The following KCNH5 variants were observed in gnomAD, a reference collection of about 807,000 sequenced individuals.
KCNH5 encodes the protein potassium voltage-gated channel subfamily H member 5.
A neutral mutation model predicts 96.1 loss-of-function variants in KCNH5; 46 were observed. That is an observed-to-expected ratio of 0.48 (90% confidence interval 0.38 to 0.61). The LOEUF (loss-of-function observed/expected upper bound fraction) is 0.61. KCNH5 is among the 20% of genes least tolerant of loss of function. The probability of loss-of-function intolerance (pLI) is 0.00; values close to 1 mark genes in which losing one functional copy is unlikely to be tolerated. For synonymous variants in KCNH5, 439 were observed against 449.8 expected (o/e 0.98, Z 0.30); for missense variants, 907 against 1,225.8 (o/e 0.74, Z 3.88).
chr14:62,750,161 T>A (rs1407565204), intron 10 of KCNH5, among the ~76,000 whole-genome samples: 7 of 152,118 alleles, frequency 4.6e-5, no homozygotes, highest in African/African-American at 7.2e-5. Context: ...GAGGAGGAGG[T>A]GAAGACTGGT....
chr14:62,772,110 C>CA lies in KCNH5; in HGVS notation c.2019+7617dup, dbSNP rs199667177. Reference sequence around the variant, plus strand: ...TAGTTTTCAGCCCTAACAACAACAACAAAAAAAACACATTCTCTACCTGCT... The same window carrying CA: ...TAGTTTTCAGCCCTAACAACAACAACAAAAAAAAACACATTCTCTACCTGCT... On this transcript the variant is annotated intron_variant, in intron 10 of 10. Transcript: ENST00000322893. Among the ~76,000 whole-genome samples the CA allele has an allele frequency of 6.0e-3, 911 of 151,540 alleles. 9 individuals carry two copies. Among genetic ancestry groups the CA allele is most frequent in the Non-Finnish European group, 9.0e-3 (607 of 67,814 alleles).
At chr14:62,725,384 T>C (rs1884901612) in intron 10 of KCNH5, among the ~76,000 whole-genome samples, 1 of 152,236 alleles carries the variant, frequency 6.6e-6, no homozygotes, top group South Asian at 2.1e-4. Context: ...AGTCTCCTAT[T>C]ATCTTTGGGC....
Position 62,704,923 on chromosome 14 carries a change from A to G in KCNH5, c.*2585T>C, listed in dbSNP as rs572185394. ...TTTGTGGAATCTGGGAACCTAAAAG[A>G]CTACTCTATATACAATGTTTGCTGA... On this transcript the variant is annotated 3_prime_UTR_variant, in exon 11 of 11. Transcript: ENST00000322893. 1 of 152,052 alleles carries G rather than the reference A, an allele frequency of 6.6e-6. No individual in the cohort carries two copies. Among genetic ancestry groups the G allele is most frequent in the South Asian group, 2.1e-4 (1 of 4,826 alleles). The allele number at this position is 152,052 out of a possible 1,614,324, so 9.4% of individuals were successfully genotyped here. A position where few individuals can be genotyped will look rare whatever the true frequency, so the allele number is the denominator to read the frequency against.
In KCNH5 at chr14:62,709,232, C is replaced by CAAAAA. The variant is rs67304113; in HGVS notation, c.2020-782_2020-778dup. Among the ~76,000 whole-genome samples, 122 of 71,564 alleles carry CAAAAA rather than the reference C, an allele frequency of 1.7e-3. 7 individuals carry two copies. The highest frequency in any genetic ancestry group is 0.02 in the Middle Eastern group (2 of 100). 46.9% of individuals were successfully genotyped at this position (71,564 alleles called of 152,430 possible). A position where few individuals can be genotyped will look rare whatever the true frequency, so the allele number is the denominator to read the frequency against. On this transcript the variant is annotated intron_variant, in intron 10 of 10. Coordinates refer to ENST00000322893, the MANE Select transcript of KCNH5 (RefSeq NM_139318.5). ...TGGGCGACAGAACGAGACTCCTTCT[C>CAAAAA]AAAAAAAAAAAAAAAAAAAAAAAAA...
intron 1 of KCNH5, among the ~76,000 whole-genome samples, chr14:63,035,043 C>T (rs1300273432): frequency 6.6e-6 from 1 of 152,088 alleles, no homozygotes; most frequent in Non-Finnish European, 1.5e-5. Context: ...TAACATTTTA[C>T]TAAATTATAT....
At chr14:62,838,550 C>T (rs17100428) in intron 8 of KCNH5, among the ~76,000 whole-genome samples, 2,569 of 151,846 alleles carry the variant, frequency 0.017, 73 homozygotes, top group African/African-American at 0.059. Context: ...ATCTGGGGTG[C>T]GTAGTATGAA....
At chr14:63,040,675 A>G (rs1057124993) in intron 1 of KCNH5, among the ~76,000 whole-genome samples, 3 of 152,122 alleles carry the variant, frequency 2.0e-5, no homozygotes, top group African/African-American at 7.2e-5. Context: ...GCTAATTGTA[A>G]AAGTTATTAT....
rs181046258 is a variant in KCNH5, at chr14:62,703,531, G to T, written c.*3977C>A. 6.6e-6 allele frequency: 1 copy of T among 151,886 alleles called. No individual in the cohort carries two copies. Among genetic ancestry groups the T allele is most frequent in the Non-Finnish European group, 1.5e-5 (1 of 67,732 alleles). The allele number at this position is 151,886 out of a possible 1,614,324, so 9.4% of individuals were successfully genotyped here. A position where few individuals can be genotyped will look rare whatever the true frequency, so the allele number is the denominator to read the frequency against. On this transcript the variant is annotated 3_prime_UTR_variant, in exon 11 of 11. Transcript: ENST00000322893. ...ATTGGCGGGGAAATGGTACCATTTG[G>T]TACACTAGGAAAGGTTAACTTGCCC... is the stretch of plus-strand genomic sequence containing the variant.
intron 7 of KCNH5, among the ~76,000 whole-genome samples, chr14:62,865,958 A>G (rs899502254): frequency 6.6e-6 from 1 of 152,206 alleles, no homozygotes; most frequent in Non-Finnish European, 1.5e-5. Context: ...GCAATCATCA[A>G]TTGATTATCA....
intron 7 of KCNH5, 34 bp downstream of exon 7, chr14:62,950,099 C>T: frequency 1.3e-6 from 2 of 1,592,794 alleles, no homozygotes; most frequent in Non-Finnish European, 1.7e-6. Context: ...TTGCCAATAA[C>T]AATAATTTTC....
intron 10 of KCNH5, among the ~76,000 whole-genome samples, chr14:62,737,486 G>A (rs73271145): frequency 0.014 from 2,136 of 152,172 alleles, 57 homozygotes; most frequent in African/African-American, 0.049. Flanking sequence ...CTGTTTATTC[G>A]TCTGTTAAAA....
chr14:62,935,596 G>A (rs926274470), intron 7 of KCNH5, among the ~76,000 whole-genome samples: 2 of 152,054 alleles, frequency 1.3e-5, no homozygotes, highest in Admixed American at 6.6e-5. Context: ...CTTCCTCTTG[G>A]CATCATTACC....
At chr14:62,808,678 G>T (rs1886816909) in intron 8 of KCNH5, among the ~76,000 whole-genome samples, 1 of 152,086 alleles carries the variant, frequency 6.6e-6, no homozygotes. Flanking sequence ...ACTGGTATAT[G>T]TTCCAAAGTT....
intron 7 of KCNH5, among the ~76,000 whole-genome samples, chr14:62,853,494 A>ATATATATATATCATATATATATAT (rs375695583): frequency 2.0e-5 from 2 of 102,072 alleles, no homozygotes; most frequent in African/African-American, 6.9e-5. Context: ...ATATATATAT[A>ATATATATATATCATATATATATAT]ATCTTGGCCA....
At chr14:63,045,023 C>T (rs966178484) in intron 1 of KCNH5, 91 bp downstream of exon 1, 1 of 1,046,932 alleles carries the variant, frequency 9.6e-7, no homozygotes, top group Non-Finnish European at 1.5e-6. Flanking sequence ...GCATCCTCCT[C>T]CCCCCTTGGG....
Position 62,950,561 on chromosome 14 carries a change from T to G in KCNH5, c.943-2A>C. The G allele has an allele frequency of 6.7e-7, 1 of 1,485,280 alleles. No individual in the cohort carries two copies. Among genetic ancestry groups the G allele is most frequent in the Non-Finnish European group, 8.9e-7 (1 of 1,122,818 alleles). The allele number at this position is 1,485,280 out of a possible 1,614,324, so 92.0% of individuals were successfully genotyped here. A position where few individuals can be genotyped will look rare whatever the true frequency, so the allele number is the denominator to read the frequency against. On this transcript the variant is annotated splice_acceptor_variant, in intron 6 of 10. Transcript: ENST00000322893. LOFTEE classifies it high-confidence loss of function. ...AGAACTGAAGAGACTGCTGATTCCC[T>G]GGATTTAAAAAAAAAAAAAAAATTA...
chr14:62,892,530 A>C (rs1188779259), intron 7 of KCNH5, among the ~76,000 whole-genome samples: 2 of 152,236 alleles, frequency 1.3e-5, no homozygotes, highest in South Asian at 4.1e-4. Flanking sequence ...GCCTGGTAAA[A>C]ATGGCTACAC....
intron 8 of KCNH5, among the ~76,000 whole-genome samples, chr14:62,840,362 A>G (rs1252088892): frequency 6.6e-6 from 1 of 152,060 alleles, no homozygotes; most frequent in Non-Finnish European, 1.5e-5. Flanking sequence ...AAAGAAGTCA[A>G]GAACCATAAA....
chr14:62,843,847 A>G (rs1274871598), intron 8 of KCNH5, among the ~76,000 whole-genome samples: 1 of 152,164 alleles, frequency 6.6e-6, no homozygotes, highest in Non-Finnish European at 1.5e-5. Flanking sequence ...CAAGAAAATG[A>G]TGACATGTAT....
Sources: gnomAD v4.1 joint callset for allele counts (sites outside exome capture counted in the v4.1 genomes callset) on GRCh38, gnomAD v4.1.1 for gene constraint, MANE v1.5 for transcripts, NCBI Gene and HGNC (gene_info 2026-07-23, HGNC 2026-07-21) for gene names.